Variants in TMOD3 observed in about 807,000 individuals in gnomAD.
TMOD3 encodes tropomodulin-3.
In TMOD3, 20 loss-of-function variants were observed where a neutral mutation model predicts 39.2. That is an observed-to-expected ratio of 0.51 (90% confidence interval 0.36 to 0.74). The LOEUF (loss-of-function observed/expected upper bound fraction) is 0.74. Among genes scored for constraint, TMOD3 ranks in the 30% least tolerant of loss-of-function variants. The probability of loss-of-function intolerance (pLI) is 0.00; values close to 1 mark genes in which losing one functional copy is unlikely to be tolerated. For synonymous variants in TMOD3, 143 were observed against 145.8 expected (o/e 0.98, Z 0.14); for missense variants, 381 against 412.8 (o/e 0.92, Z 0.67).
chr15:51,893,291 T>A (rs2056603298), intron 5 of TMOD3, among the ~76,000 whole-genome samples: 1 of 37,760 alleles, frequency 2.6e-5, no homozygotes, highest in South Asian at 1.7e-3. Flanking sequence ...TAAGACTCCA[T>A]CTCAAAAAAA....
In TMOD3 at chr15:51,910,343, A is replaced by G. The variant is rs1278077030; in HGVS notation, c.*1533A>G. Reference sequence around the variant, plus strand: ...TAATCCCAGCACTTTTGGGAAGCCAAAGTGGGTGGATCACTTAAGGTCAGG... The same window carrying G: ...TAATCCCAGCACTTTTGGGAAGCCAGAGTGGGTGGATCACTTAAGGTCAGG... On this transcript the variant is annotated 3_prime_UTR_variant, in exon 10 of 10. Coordinates refer to ENST00000308580, the MANE Select transcript of TMOD3 (RefSeq NM_014547.5). 6.6e-5 allele frequency: 10 copies of G among 152,218 alleles called. No homozygotes were observed. Among genetic ancestry groups the G allele is most frequent in the Non-Finnish European group, 1.2e-4 (8 of 68,066 alleles). The allele number at this position is 152,218 out of a possible 1,614,324, so 9.4% of individuals were successfully genotyped here.
intron 5 of TMOD3, among the ~76,000 whole-genome samples, chr15:51,890,163 T>C (rs911615975): frequency 1.3e-4 from 19 of 151,776 alleles, no homozygotes; most frequent in Admixed American, 1.2e-3. Flanking sequence ...ATAATTCTAT[T>C]AGCTAATTTT....
At chr15:51,905,724 T>G (rs1392396556) in intron 9 of TMOD3, among the ~76,000 whole-genome samples, 1 of 152,004 alleles carries the variant, frequency 6.6e-6, no homozygotes, top group Non-Finnish European at 1.5e-5. Context: ...GGTGGCGTAT[T>G]GACAACTTAT....
chr15:51,885,133 C>T (rs1209675694), intron 3 of TMOD3, among the ~76,000 whole-genome samples: 1 of 152,184 alleles, frequency 6.6e-6, no homozygotes, highest in Non-Finnish European at 1.5e-5. Flanking sequence ...TGTGTGAGTA[C>T]ATCTTGTTTG....
intron 9 of TMOD3, among the ~76,000 whole-genome samples, chr15:51,904,322 ATGT>A (rs2056667088): frequency 6.6e-6 from 1 of 152,196 alleles, no homozygotes; most frequent in African/African-American, 2.4e-5. Context: ...GGCAGGGACT[ATGT>A]TGTTGGCAGG....
Position 51,896,540 on chromosome 15 carries a change from T to C in TMOD3, c.735+14T>C, listed in dbSNP as rs1159044834. 1 of 1,587,022 alleles carries C rather than the reference T, an allele frequency of 6.3e-7. No homozygotes were observed. The highest frequency in any genetic ancestry group is 1.1e-5 in the South Asian group (1 of 89,696). ...CCTGTTGCTACTGTAAGTAAGCGAC[T>C]TGAGAATATCAAAATTATGACATGC... On this transcript the variant is annotated intron_variant, in intron 7 of 9. Coordinates refer to ENST00000308580, the MANE Select transcript of TMOD3 (RefSeq NM_014547.5).
chr15:51,896,806 GTTTATC>G (rs1408826269), intron 7 of TMOD3, among the ~76,000 whole-genome samples: 6 of 152,000 alleles, frequency 3.9e-5, no homozygotes, highest in South Asian at 4.1e-4. Flanking sequence ...TCACTCTGCA[GTTTATC>G]TTTAAAGTTT....
chr15:51,880,677 G>A (rs1438446585), intron 3 of TMOD3, among the ~76,000 whole-genome samples: 1 of 152,052 alleles, frequency 6.6e-6, no homozygotes, highest in Non-Finnish European at 1.5e-5. Context: ...TCTTTTTTAT[G>A]GCTGAATAAT....
intron 8 of TMOD3, 43 bp downstream of exon 8, chr15:51,900,341 C>T (rs374778112): frequency 1.2e-5 from 20 of 1,609,406 alleles, no homozygotes; most frequent in South Asian, 4.4e-5. Flanking sequence ...CTACAGCCCA[C>T]GCTGCTGTGT....
chr15:51,893,294 C>CAA (rs59321162), intron 5 of TMOD3, among the ~76,000 whole-genome samples: 4 of 58,992 alleles, frequency 6.8e-5, no homozygotes, highest in Non-Finnish European at 8.7e-5. Flanking sequence ...GACTCCATCT[C>CAA]AAAAAAAAAA....
intron 1 of TMOD3, among the ~76,000 whole-genome samples, chr15:51,858,816 A>G (rs758729688): frequency 3.3e-5 from 5 of 152,118 alleles, no homozygotes; most frequent in Non-Finnish European, 7.4e-5. Context: ...TTTAGGACTT[A>G]TGGTAGGTCT....
intron 3 of TMOD3, among the ~76,000 whole-genome samples, chr15:51,886,971 C>T (rs1266806507): frequency 6.6e-6 from 1 of 152,046 alleles, no homozygotes. Context: ...GTAATCCTAG[C>T]ACTTTGGGAG....
At chr15:51,839,136 A>T (rs2056300518) in intron 1 of TMOD3, among the ~76,000 whole-genome samples, 1 of 139,988 alleles carries the variant, frequency 7.1e-6, no homozygotes, top group East Asian at 2.1e-4. Context: ...CATCTGGCAG[A>T]TTGACAGCTA....
chr15:51,888,129 A>C (rs888256066), intron 4 of TMOD3, among the ~76,000 whole-genome samples: 7 of 152,186 alleles, frequency 4.6e-5, no homozygotes, highest in African/African-American at 1.7e-4. Context: ...GTCCTGAGCT[A>C]TACTCACCAC....
At chr15:51,841,349 T>A (rs1476722017) in intron 1 of TMOD3, among the ~76,000 whole-genome samples, 2 of 152,242 alleles carry the variant, frequency 1.3e-5, no homozygotes, top group African/African-American at 4.8e-5. Flanking sequence ...AATTGATAGT[T>A]GTTGTCATAA....
In TMOD3 at chr15:51,887,672, T is replaced by C. The variant is rs1369051797; in HGVS notation, c.367T>C (p.Leu123=). Residue 123 remains leucine, a synonymous_variant, in exon 4 of 10, where the codon TTG becomes CTG. Coordinates refer to ENST00000308580, the MANE Select transcript of TMOD3 (RefSeq NM_014547.5). ...VSLDPELEEA[L]TSASDTELCD... ...TCTTGATCCAGAATTAGAAGAAGCT[T>C]TGACAAGTGCTTCTGATACAGAATT... The C allele has an allele frequency of 1.4e-5, 23 of 1,614,010 alleles. No homozygotes were observed. Among genetic ancestry groups the C allele is most frequent in the Non-Finnish European group, 1.9e-5 (22 of 1,179,976 alleles).
rs1041690755 is a variant in TMOD3, at chr15:51,915,352, A to C, written c.*6542A>C. The C allele has an allele frequency of 1.1e-4, 16 of 152,154 alleles. No individual in the cohort carries two copies. Among genetic ancestry groups the C allele is most frequent in the African/African-American group, 3.6e-4 (15 of 41,456 alleles). The allele number at this position is 152,154 out of a possible 1,614,324, so 9.4% of individuals were successfully genotyped here. ...AATGTATATACACGTATAACATAAA[A>C]ATTTTTGTAATTTCAAATGTCTTTT... On this transcript the variant is annotated 3_prime_UTR_variant, in exon 10 of 10. Coordinates refer to ENST00000308580, the MANE Select transcript of TMOD3 (RefSeq NM_014547.5).
chr15:51,866,916 C>T (rs1476373344), intron 2 of TMOD3, among the ~76,000 whole-genome samples: 2 of 152,144 alleles, frequency 1.3e-5, no homozygotes, highest in Admixed American at 1.3e-4. Flanking sequence ...GTAAGTGCTA[C>T]ACACTGTAAG....
intron 1 of TMOD3, among the ~76,000 whole-genome samples, chr15:51,851,971 C>A (rs2554355): frequency 0.66 from 99,957 of 151,966 alleles, 34,024 homozygotes; most frequent in East Asian, 1. Flanking sequence ...TGAACCATTT[C>A]AGTTAGCCTT....
Sources: allele counts gnomAD v4.1 joint callset (sites outside exome capture counted in the v4.1 genomes callset), GRCh38; gene constraint gnomAD v4.1.1; transcripts MANE v1.5; gene names NCBI Gene and HGNC (gene_info 2026-07-23, HGNC 2026-07-21).